Variants in DLGAP2 observed in about 807,000 individuals in gnomAD.
DLGAP2 encodes the protein disks large-associated protein 2.
DLGAP2 carries 26 observed loss-of-function variants against 100.3 expected under a neutral mutation model. That is an observed-to-expected ratio of 0.26 (90% CI 0.19 to 0.36). DLGAP2 has a LOEUF of 0.36. Among genes scored for constraint, DLGAP2 ranks in the 10% least tolerant of loss-of-function variants. The pLI, the probability that DLGAP2 is intolerant of heterozygous loss-of-function variation, is 1.00. For missense variants in DLGAP2, 1,858 were observed against 1,453.2 expected, an observed-to-expected ratio of 1.28 and a Z score of -4.53; for synonymous variants, 886 against 630.1, an observed-to-expected ratio of 1.41 and a Z score of -6.08.
chr8:1,479,781 A>AT (rs1563173410), intron 3 of DLGAP2, among the ~76,000 whole-genome samples: 1 of 152,134 alleles, frequency 6.6e-6, no homozygotes, highest in African/African-American at 2.4e-5. Flanking sequence ...CTGGCTGTTA[A>AT]TTTTTGGTGT....
At position 1,253,393 on chromosome 8, in the gene DLGAP2, G is replaced by A. The variant is rs575285764; in HGVS notation, c.74-5458G>A. ...GGTGTCAGGAGGGAGGGCGGGTGCT[G>A]CGGAGGCCGACTCCATGCAGAAGCC... On this transcript the variant is annotated intron_variant, in intron 2 of 14. Coordinates refer to ENST00000637795, the MANE Select transcript of DLGAP2 (RefSeq NM_001346810.2). 5.9e-5 allele frequency among the ~76,000 whole-genome samples: 9 copies of A among 152,354 alleles called. No homozygotes were observed. The East Asian group carries it at 1.4e-3, about 23-fold the overall frequency.
chr8:1,463,413 A>C (rs1027108374), intron 3 of DLGAP2, among the ~76,000 whole-genome samples: 1 of 152,204 alleles, frequency 6.6e-6, no homozygotes, highest in Non-Finnish European at 1.5e-5. Flanking sequence ...AGAACCCAGC[A>C]TGGCTATGTA....
intron 3 of DLGAP2, among the ~76,000 whole-genome samples, chr8:1,428,156 AAAC>A (rs1797290659): frequency 1.1e-5 from 1 of 95,114 alleles, no homozygotes; most frequent in Non-Finnish European, 2.8e-5. Flanking sequence ...TCAAAATAGA[AAAC>A]AAAATGCTAG....
At chr8:1,079,876 G>A (rs955438115) in intron 2 of DLGAP2, among the ~76,000 whole-genome samples, 4 of 152,262 alleles carry the variant, frequency 2.6e-5, no homozygotes, top group Non-Finnish European at 5.9e-5. Flanking sequence ...GATTGGACGT[G>A]GCAGGCAGCT....
At chr8:1,245,473 C>T (rs920324367) in intron 2 of DLGAP2, among the ~76,000 whole-genome samples, 6 of 152,238 alleles carry the variant, frequency 3.9e-5, no homozygotes, top group East Asian at 1.9e-4. Flanking sequence ...ACATTTTCTA[C>T]GTGAAAGAAG....
intron 2 of DLGAP2, among the ~76,000 whole-genome samples, chr8:990,354 T>A (rs13264857): frequency 0.12 from 6,749 of 55,848 alleles, 187 homozygotes; most frequent in South Asian, 0.15. Flanking sequence ...CTTCTCTCCC[T>A]CCTTGCCCGG....
intron 3 of DLGAP2, among the ~76,000 whole-genome samples, chr8:1,326,390 T>G (rs547355090): frequency 1.7e-4 from 26 of 152,234 alleles, no homozygotes; most frequent in African/African-American, 6.3e-4. Flanking sequence ...CTAACAAAAC[T>G]CTCTCCCACT....
intron 3 of DLGAP2, among the ~76,000 whole-genome samples, chr8:1,374,649 G>A (rs1802345461): frequency 6.6e-6 from 1 of 152,172 alleles, no homozygotes; most frequent in Non-Finnish European, 1.5e-5. Context: ...TTAAAGATTT[G>A]AACTCCAAGT....
chr8:1,196,189 A>T lies in DLGAP2; in HGVS notation c.74-62662A>T, dbSNP rs140908894. ...CTGTTAAAGACCCTACTTTCATGTT[A>T]TGTGTTTTGTTTGGTAAAATATCCT... On this transcript the variant is annotated intron_variant, in intron 2 of 14. Coordinates refer to ENST00000637795, the MANE Select transcript of DLGAP2 (RefSeq NM_001346810.2). 3.3e-3 allele frequency among the ~76,000 whole-genome samples: 504 copies of T among 152,294 alleles called. 5 individuals are homozygous for T. Among genetic ancestry groups the T allele is most frequent in the African/African-American group, 0.012 (482 of 41,556 alleles).
intron 2 of DLGAP2, among the ~76,000 whole-genome samples, chr8:966,019 G>A (rs2654018): frequency 0.026 from 3,954 of 152,012 alleles, 150 homozygotes; most frequent in African/African-American, 0.085. Context: ...CAGCTCTGCC[G>A]TGACCCCCGT....
At chr8:1,385,496 A>AC (rs763969277) in intron 3 of DLGAP2, among the ~76,000 whole-genome samples, 2 of 19,528 alleles carry the variant, frequency 1.0e-4, no homozygotes, top group East Asian at 4.1e-3. Context: ...GTGCACAATT[A>AC]CCCGGCCTGT....
chr8:1,043,306 TGTGGGTGATGGAC>T (rs1322468633), intron 2 of DLGAP2, among the ~76,000 whole-genome samples: 18 of 103,294 alleles, frequency 1.7e-4, no homozygotes, highest in Non-Finnish European at 2.8e-4. Context: ...GGGTGGTGGG[TGTGGGTGATGGAC>T]GTGGGTGATG....
chr8:1,565,315 T>C (rs1161553424), intron 5 of DLGAP2, among the ~76,000 whole-genome samples: 3 of 151,996 alleles, frequency 2.0e-5, no homozygotes, highest in Non-Finnish European at 4.4e-5. Flanking sequence ...TTTTTTTTTT[T>C]TCCTTTTCTT....
At chr8:1,698,703 A>AAGTAAGC (rs1799480355) in intron 14 of DLGAP2, among the ~76,000 whole-genome samples, 6 of 150,806 alleles carry the variant, frequency 4.0e-5, no homozygotes, top group East Asian at 2.0e-4. Context: ...AGGCAGGTCC[A>AAGTAAGC]CATAAGCCAT....
chr8:753,195 C>T (rs1013621070), intron 1 of DLGAP2, among the ~76,000 whole-genome samples: 6 of 152,136 alleles, frequency 3.9e-5, no homozygotes, highest in African/African-American at 1.2e-4. Context: ...TGCTGCGGAC[C>T]CCGTCACTTA....
rs564069945 is a variant in DLGAP2 at position 1,312,693 on chromosome 8, A to G, written c.106+53810A>G. On this transcript the variant is annotated intron_variant, in intron 3 of 14. Transcript: ENST00000637795. The stretch of plus-strand genomic sequence containing the variant: ...TGTCATCTGTACCAGAATAAAAAAT[A>G]TTTACAAAAAATAAAATTAAATGCA... Among the ~76,000 whole-genome samples the G allele has an allele frequency of 3.9e-5, 6 of 152,378 alleles. No individual in the cohort carries two copies. The South Asian group carries it at 1.0e-3, about 26-fold the overall frequency.
intron 3 of DLGAP2, among the ~76,000 whole-genome samples, chr8:1,315,362 TGC>T (rs1800711403): frequency 7.1e-6 from 1 of 141,618 alleles, no homozygotes; most frequent in African/African-American, 2.7e-5. Context: ...ATAGAGCCTA[TGC>T]GAGTGCAGCG....
At chr8:1,252,182 T>A (rs1799059061) in intron 2 of DLGAP2, among the ~76,000 whole-genome samples, 1 of 151,882 alleles carries the variant, frequency 6.6e-6, no homozygotes, top group Non-Finnish European at 1.5e-5. Flanking sequence ...TGGGTCACGG[T>A]GTCACAGTCG....
At chr8:848,409 C>T (rs569194437) in intron 1 of DLGAP2, among the ~76,000 whole-genome samples, 24 of 101,462 alleles carry the variant, frequency 2.4e-4, no homozygotes, top group African/African-American at 5.2e-4. Flanking sequence ...TAGGGTCGTG[C>T]GGTGCCTGTT....
Sources: gnomAD v4.1 joint callset for allele counts (sites outside exome capture counted in the v4.1 genomes callset) on GRCh38, gnomAD v4.1.1 for gene constraint, MANE v1.5 for transcripts, NCBI Gene and HGNC (gene_info 2026-07-23, HGNC 2026-07-21) for gene names.